Variants in TMEM108 observed in about 807,000 individuals in gnomAD.
TMEM108 encodes the protein cancer/testis antigen 124.
Under a neutral mutation model 35.1 loss-of-function variants are expected in TMEM108, and 12 were observed. The ratio of observed to expected loss-of-function variants is 0.34; its 90% CI spans 0.22 to 0.55. The LOEUF (loss-of-function observed/expected upper bound fraction) is 0.55. Among genes scored for constraint, TMEM108 ranks in the 20% least tolerant of loss-of-function variants. TMEM108 has a pLI of 0.89. For missense variants in TMEM108, 680 were observed against 753.3 expected (o/e 0.90, Z 1.14); for synonymous variants, 287 against 308.6 (o/e 0.93, Z 0.73).
chr3:133,321,570 C>T (rs368047704), intron 3 of TMEM108, among the ~76,000 whole-genome samples: 6 of 151,870 alleles, frequency 4.0e-5, no homozygotes, highest in African/African-American at 1.4e-4. Context: ...AAAAATACTC[C>T]ACTGACAGCA....
intron 3 of TMEM108, among the ~76,000 whole-genome samples, chr3:133,298,168 C>T (rs1947171974): frequency 6.6e-6 from 1 of 152,112 alleles, no homozygotes; most frequent in African/African-American, 2.4e-5. Flanking sequence ...GATGAAACCT[C>T]TCTCTTCATC....
intron 2 of TMEM108, among the ~76,000 whole-genome samples, chr3:133,183,776 A>C (rs1226309111): frequency 6.6e-6 from 1 of 152,148 alleles, no homozygotes; most frequent in East Asian, 1.9e-4. Context: ...GTTTCCATAG[A>C]GCTGGGATGC....
intron 3 of TMEM108, among the ~76,000 whole-genome samples, chr3:133,340,137 A>G (rs1199484786): frequency 6.6e-6 from 1 of 150,574 alleles, no homozygotes; most frequent in East Asian, 2.0e-4. Flanking sequence ...GAAACAATAC[A>G]AAAGATTAAT....
At chr3:133,181,292 C>T (rs78726021) in intron 2 of TMEM108, among the ~76,000 whole-genome samples, 1,545 of 152,178 alleles carry the variant, frequency 0.01, 38 homozygotes, top group African/African-American at 0.035. Flanking sequence ...ACCTATGCCC[C>T]ATTACTCCAG....
intron 4 of TMEM108, among the ~76,000 whole-genome samples, chr3:133,384,624 G>T (rs2073100200): frequency 6.6e-6 from 1 of 152,188 alleles, no homozygotes; most frequent in African/African-American, 2.4e-5. Flanking sequence ...GAGCCAGGTG[G>T]CTCCCAAGCT....
intron 2 of TMEM108, among the ~76,000 whole-genome samples, chr3:133,220,796 T>A (rs1476367271): frequency 6.6e-6 from 1 of 152,198 alleles, no homozygotes; most frequent in African/African-American, 2.4e-5. Context: ...ACTTTAGATG[T>A]CAATCAGAAG....
chr3:133,085,902 A>G (rs1248370749), intron 2 of TMEM108, among the ~76,000 whole-genome samples: 2 of 152,138 alleles, frequency 1.3e-5, no homozygotes, highest in African/African-American at 2.4e-5. Context: ...CAAGAGCAAT[A>G]TTTTTAGAGT....
chr3:133,309,901 C>T (rs560172186), intron 3 of TMEM108, among the ~76,000 whole-genome samples: 29 of 151,866 alleles, frequency 1.9e-4, no homozygotes, highest in Middle Eastern at 3.4e-3. Flanking sequence ...GGGGTTTCAC[C>T]GTTTTAGCCG....
chr3:133,265,697 A>C (rs555305888), intron 3 of TMEM108, among the ~76,000 whole-genome samples: 43 of 152,330 alleles, frequency 2.8e-4, no homozygotes, highest in Non-Finnish European at 5.1e-4. Flanking sequence ...AGATCATTGA[A>C]AATAAATGGA....
chr3:133,075,212 C>T (rs1173402848), intron 2 of TMEM108, among the ~76,000 whole-genome samples: 1 of 152,154 alleles, frequency 6.6e-6, no homozygotes, highest in Non-Finnish European at 1.5e-5. Flanking sequence ...CTTTTGATTG[C>T]ACATCAACAT....
At chr3:133,348,514 A>G (rs1332578276) in intron 3 of TMEM108, among the ~76,000 whole-genome samples, 2 of 152,152 alleles carry the variant, frequency 1.3e-5, no homozygotes, top group East Asian at 3.9e-4. Context: ...GGAGGCGGGC[A>G]GTCCCTCTAA....
intron 3 of TMEM108, among the ~76,000 whole-genome samples, chr3:133,363,564 C>T (rs896452383): frequency 3.3e-5 from 5 of 152,028 alleles, no homozygotes; most frequent in Non-Finnish European, 5.9e-5. Context: ...CACCACCACA[C>T]CCAGCTAATT....
chr3:133,041,062 C>G (rs1195006715), intron 1 of TMEM108, among the ~76,000 whole-genome samples: 3 of 152,246 alleles, frequency 2.0e-5, no homozygotes, highest in East Asian at 3.9e-4. Context: ...GGTGGGGGCA[C>G]TGGGTGAGAT....
intron 4 of TMEM108, chr3:133,387,964 A>T (rs889636445): frequency 2.0e-6 from 2 of 985,288 alleles, no homozygotes; most frequent in Admixed American, 6.1e-5. Flanking sequence ...AAACTATACA[A>T]ATCTGACTCA....
intron 2 of TMEM108, among the ~76,000 whole-genome samples, chr3:133,167,627 T>G (rs923264748): frequency 1.1e-4 from 17 of 152,224 alleles, no homozygotes; most frequent in African/African-American, 4.1e-4. Context: ...CTGCAGCTGC[T>G]GGCCCAGGTG....
At chr3:133,178,971 C>A (rs1425023941) in intron 2 of TMEM108, among the ~76,000 whole-genome samples, 1 of 151,472 alleles carries the variant, frequency 6.6e-6, no homozygotes, top group Non-Finnish European at 1.5e-5. Flanking sequence ...AAGAAAAAAA[C>A]AACCCCATCA....
chr3:133,243,770 G>C (rs1001727517), intron 3 of TMEM108, among the ~76,000 whole-genome samples: 2 of 13,444 alleles, frequency 1.5e-4, no homozygotes, highest in African/African-American at 2.2e-4. Flanking sequence ...TGATCCACCC[G>C]CCTTGGCCTC....
chr3:133,066,173 T>C lies in TMEM108; in HGVS notation c.-47+20153T>C, dbSNP rs371339234. 9.8e-5 allele frequency among the ~76,000 whole-genome samples: 15 copies of C among 152,304 alleles called. No homozygotes were observed. The East Asian group carries it at 2.3e-3, about 23-fold the overall frequency. On this transcript the variant is annotated intron_variant, in intron 2 of 5. Transcript: ENST00000321871. ...CGTCTTTTCTCTATAGTAAAGACTT[T>C]CTTGGAGCTTGGAATTTAATTGGTG...
intron 3 of TMEM108, among the ~76,000 whole-genome samples, chr3:133,301,680 A>G (rs2107703570): frequency 6.6e-6 from 1 of 152,252 alleles, no homozygotes; most frequent in South Asian, 2.1e-4. Flanking sequence ...AGTAATAGAA[A>G]AGCATTTAAC....
Sources: allele counts gnomAD v4.1 joint callset (sites outside exome capture counted in the v4.1 genomes callset), GRCh38; gene constraint gnomAD v4.1.1; transcripts MANE v1.5; gene names NCBI Gene and HGNC (gene_info 2026-07-23, HGNC 2026-07-21).